The following LRRC4C variants were observed in gnomAD, a reference collection of about 807,000 sequenced individuals.
LRRC4C encodes the protein leucine-rich repeat-containing protein 4C.
LRRC4C carries 5 observed loss-of-function variants against 33.6 expected under a neutral mutation model. The observed-to-expected ratio is 0.15, with a 90% confidence interval of 0.08 to 0.31. LRRC4C has a LOEUF of 0.31. LRRC4C is among the 10% of genes least tolerant of loss of function. The probability of loss-of-function intolerance (pLI) is 1.00; values close to 1 mark genes in which losing one functional copy is unlikely to be tolerated. For missense variants in LRRC4C, 560 were observed against 796.7 expected, an observed-to-expected ratio of 0.70 and a Z score of 3.58; for synonymous variants, 329 against 302.0, an observed-to-expected ratio of 1.09 and a Z score of -0.93.
chr11:41,052,565 T>C (rs1245374981), intron 1 of LRRC4C, among the ~76,000 whole-genome samples: 1 of 151,968 alleles, frequency 6.6e-6, no homozygotes, highest in Non-Finnish European at 1.5e-5. Context: ...GTAAATCTAG[T>C]TAATTTCTTT....
At chr11:40,860,805 TTTTTTTTTTTTC>T (rs1459485564) in intron 2 of LRRC4C, among the ~76,000 whole-genome samples, 9 of 45,402 alleles carry the variant, frequency 2.0e-4, no homozygotes, top group African/African-American at 4.5e-4. Context: ...TTTTTTTTTT[TTTTTTTTTTTTC>T]AGTGAGGCAC....
At chr11:40,238,619 C>G (rs1865727316) in intron 5 of LRRC4C, among the ~76,000 whole-genome samples, 1 of 152,078 alleles carries the variant, frequency 6.6e-6, no homozygotes, top group Non-Finnish European at 1.5e-5. Context: ...ATGGAAAACA[C>G]TTATTTGAAA....
At chr11:40,388,285 A>C (rs1303601036) in intron 3 of LRRC4C, among the ~76,000 whole-genome samples, 1 of 152,056 alleles carries the variant, frequency 6.6e-6, no homozygotes, top group Non-Finnish European at 1.5e-5. Context: ...AAAATGTGAC[A>C]CCTCTTTCAA....
At chr11:40,315,454 C>T (rs753419610) in intron 4 of LRRC4C, among the ~76,000 whole-genome samples, 40 of 151,592 alleles carry the variant, frequency 2.6e-4, no homozygotes, top group Non-Finnish European at 1.3e-4. Flanking sequence ...ATATAAATGC[C>T]TAATATATGT....
chr11:41,069,554 G>T (rs758918016), intron 1 of LRRC4C, among the ~76,000 whole-genome samples: 1 of 152,136 alleles, frequency 6.6e-6, no homozygotes, highest in Non-Finnish European at 1.5e-5. Context: ...CAACTGATAA[G>T]CAACTTCAAC....
intron 1 of LRRC4C, among the ~76,000 whole-genome samples, chr11:41,195,548 TC>T (rs199680117): frequency 2.6e-5 from 4 of 151,090 alleles, no homozygotes; most frequent in African/African-American, 9.7e-5. Context: ...TGGAGATATT[TC>T]CCCCCCCAAA....
chr11:41,022,142 T>TTTTATATATATA (rs1555043562), intron 1 of LRRC4C, among the ~76,000 whole-genome samples: 1 of 139,080 alleles, frequency 7.2e-6, no homozygotes, highest in Non-Finnish European at 1.5e-5. Flanking sequence ...CAATTTTGTT[T>TTTTATATATATA]TATATATATA....
At chr11:40,338,633 A>C (rs1162685198) in intron 3 of LRRC4C, among the ~76,000 whole-genome samples, 2 of 152,216 alleles carry the variant, frequency 1.3e-5, no homozygotes, top group Non-Finnish European at 2.9e-5. Flanking sequence ...GTTCCTCAGA[A>C]AAACTTCTTT....
At chr11:41,325,296 T>G (rs1403475143) in intron 1 of LRRC4C, among the ~76,000 whole-genome samples, 1 of 152,198 alleles carries the variant, frequency 6.6e-6, no homozygotes, top group Non-Finnish European at 1.5e-5. Context: ...TTTTAAACAC[T>G]TTTAAGGTGA....
At chr11:41,215,266 T>C (rs1236564748) in intron 1 of LRRC4C, among the ~76,000 whole-genome samples, 1 of 151,636 alleles carries the variant, frequency 6.6e-6, no homozygotes, top group Non-Finnish European at 1.5e-5. Context: ...GGTGGGTGGA[T>C]CACCTGAGGT....
At chr11:40,770,906 C>T (rs1005771117) in intron 2 of LRRC4C, among the ~76,000 whole-genome samples, 7 of 152,134 alleles carry the variant, frequency 4.6e-5, no homozygotes, top group Admixed American at 3.9e-4. Context: ...TACAACCCCC[C>T]CTCCCAGCTG....
intron 1 of LRRC4C, among the ~76,000 whole-genome samples, chr11:41,260,745 T>C (rs1349185053): frequency 6.6e-6 from 1 of 151,936 alleles, no homozygotes. Context: ...TGGTAACTGA[T>C]TGAGCAGAAT....
chr11:40,132,789 TG>T (rs1390519884), intron 6 of LRRC4C, among the ~76,000 whole-genome samples: 1 of 152,050 alleles, frequency 6.6e-6, no homozygotes, highest in Admixed American at 6.6e-5. Context: ...GAGGGTAAAC[TG>T]CAGAAACTGG....
intron 3 of LRRC4C, among the ~76,000 whole-genome samples, chr11:40,572,776 C>T (rs1316665935): frequency 1.3e-5 from 2 of 152,150 alleles, no homozygotes; most frequent in Admixed American, 6.5e-5. Context: ...TCATAGAAGG[C>T]TTGACTTTAG....
At chr11:41,153,314 G>C (rs1254721274) in intron 1 of LRRC4C, among the ~76,000 whole-genome samples, 1 of 152,012 alleles carries the variant, frequency 6.6e-6, no homozygotes, top group Non-Finnish European at 1.5e-5. Flanking sequence ...AGGGAATGAT[G>C]GTATTTGTTG....
At chr11:41,073,508 G>T (rs1488950005) in intron 1 of LRRC4C, among the ~76,000 whole-genome samples, 4 of 152,080 alleles carry the variant, frequency 2.6e-5, no homozygotes, top group African/African-American at 9.7e-5. Context: ...ATTTGGTGGG[G>T]ACAAACAAAC....
intron 2 of LRRC4C, among the ~76,000 whole-genome samples, chr11:40,889,426 GGA>G (rs1565172820): frequency 1.3e-5 from 2 of 152,078 alleles, no homozygotes; most frequent in African/African-American, 4.8e-5. Context: ...TCCATTGTGG[GGA>G]GAGTTTATGT....
At chr11:41,004,735 T>C (rs1194154984) in intron 1 of LRRC4C, among the ~76,000 whole-genome samples, 1 of 124,634 alleles carries the variant, frequency 8.0e-6, no homozygotes, top group Non-Finnish European at 1.8e-5. Context: ...CTTGACAAAA[T>C]AAAGCAGAGG....
intron 3 of LRRC4C, among the ~76,000 whole-genome samples, chr11:40,434,136 CT>C (rs1951047239): frequency 6.6e-6 from 1 of 152,080 alleles, no homozygotes; most frequent in African/African-American, 2.4e-5. Flanking sequence ...TCTGTCTTGC[CT>C]AGCACTCTCA....
Sources: gnomAD v4.1 joint callset for allele counts (sites outside exome capture counted in the v4.1 genomes callset) on GRCh38, gnomAD v4.1.1 for gene constraint, MANE v1.5 for transcripts, NCBI Gene and HGNC (gene_info 2026-07-23, HGNC 2026-07-21) for gene names.